Variants in KIAA0319L observed in about 807,000 individuals in gnomAD.
KIAA0319L encodes KIAA0319 like.
In KIAA0319L, 55 loss-of-function variants were observed where a neutral mutation model predicts 120.1. The observed-to-expected ratio is 0.46, with a 90% CI of 0.37 to 0.57. The LOEUF is 0.57. KIAA0319L is among the 20% of genes least tolerant of loss of function. The probability of loss-of-function intolerance (pLI) is 0.00; values close to 1 mark genes in which losing one functional copy is unlikely to be tolerated. For missense variants in KIAA0319L, 1,049 were observed against 1,255.3 expected (o/e 0.84, Z 2.48); for synonymous variants, 398 against 471.9 (o/e 0.84, Z 2.03).
intron 2 of KIAA0319L, among the ~76,000 whole-genome samples, chr1:35,513,326 A>G (rs1645552029): frequency 7.1e-6 from 1 of 140,486 alleles, no homozygotes; most frequent in Non-Finnish European, 1.5e-5. Context: ...TATAAAATAT[A>G]ACCTCTGGCT....
At chr1:35,480,983 C>T (rs192387092) in intron 3 of KIAA0319L, among the ~76,000 whole-genome samples, 1 of 152,290 alleles carries the variant, frequency 6.6e-6, no homozygotes, top group African/African-American at 2.4e-5. Flanking sequence ...CAGGAAACCA[C>T]TGATTTGTTT....
intron 1 of KIAA0319L, 22 bp from the exon 2 acceptor site, chr1:35,554,541 A>C: frequency 7.1e-7 from 1 of 1,409,930 alleles, no homozygotes; most frequent in Non-Finnish European, 9.6e-7. Flanking sequence ...GAAAGAGAAG[A>C]AATTACATGC....
upstream of KIAA0319L, chr1:35,557,495 C>G (rs1171161295): frequency 5.6e-6 from 2 of 357,860 alleles, no homozygotes; most frequent in Non-Finnish European, 5.5e-6. Context: ...AGGGCAATGC[C>G]GGCCGCGAGA....
intron 3 of KIAA0319L, among the ~76,000 whole-genome samples, chr1:35,479,878 G>A (rs368148060): frequency 6.7e-6 from 1 of 148,966 alleles, no homozygotes; most frequent in East Asian, 2.0e-4. Flanking sequence ...ACTCTAGCTT[G>A]GGTGACAGAA....
intron 3 of KIAA0319L, among the ~76,000 whole-genome samples, chr1:35,497,526 C>G (rs1486630167): frequency 6.6e-6 from 1 of 152,018 alleles, no homozygotes; most frequent in South Asian, 2.1e-4. Context: ...TATTCGTTAT[C>G]TTTTTATGGT....
intron 3 of KIAA0319L, among the ~76,000 whole-genome samples, chr1:35,500,524 A>G (rs1166358232): frequency 6.6e-6 from 1 of 152,258 alleles, no homozygotes; most frequent in Non-Finnish European, 1.5e-5. Flanking sequence ...CAATATATGT[A>G]TATTTCCAAA....
In KIAA0319L at chr1:35,458,074, T is replaced by TACAGCTACCTGCCACC. The variant is rs572032671; in HGVS notation, c.1428-1849_1428-1834dup. On this transcript the variant is annotated intron_variant, in intron 9 of 20. Coordinates refer to ENST00000325722, the MANE Select transcript of KIAA0319L (RefSeq NM_024874.5). ...CCTCAGCCTCCTGAGTAGCTGGGAC[T>TACAGCTACCTGCCACC]ACAGCTACCTGCCACCATGCTCAGC... 3.9e-4 allele frequency among the ~76,000 whole-genome samples: 59 copies of TACAGCTACCTGCCACC among 152,300 alleles called. 1 individual carries two copies. Among genetic ancestry groups the TACAGCTACCTGCCACC allele is most frequent in the African/African-American group, 1.4e-3 (59 of 41,564 alleles).
At chr1:35,513,642 T>C (rs149543894) in intron 2 of KIAA0319L, among the ~76,000 whole-genome samples, 3 of 152,250 alleles carry the variant, frequency 2.0e-5, no homozygotes, top group East Asian at 1.9e-4. Context: ...AAAAATAATA[T>C]ACATAACTTC....
At chr1:35,450,620 C>A in intron 13 of KIAA0319L, 111 bp from the exon 14 acceptor site, 1 of 1,047,350 alleles carries the variant, frequency 9.5e-7, no homozygotes. Flanking sequence ...ACTGGAGAAC[C>A]TTTTTAAGTG....
chr1:35,521,647 T>C (rs765564880), intron 2 of KIAA0319L, among the ~76,000 whole-genome samples: 3 of 135,014 alleles, frequency 2.2e-5, no homozygotes, highest in Non-Finnish European at 4.8e-5. Context: ...AAAATAATAA[T>C]AATAAAATAA....
chr1:35,472,568 T>TACA (rs554585057), intron 5 of KIAA0319L, among the ~76,000 whole-genome samples: 96 of 152,262 alleles, frequency 6.3e-4, no homozygotes, highest in African/African-American at 2.3e-3. Context: ...GTGCTAGGAT[T>TACA]ACAGGCATGA....
At chr1:35,465,722 G>A (rs1643211887) in intron 7 of KIAA0319L, among the ~76,000 whole-genome samples, 1 of 152,162 alleles carries the variant, frequency 6.6e-6, no homozygotes, top group African/African-American at 2.4e-5. Flanking sequence ...ATCTTGAATT[G>A]TAACTCCCAC....
At chr1:35,464,382 C>T (rs749276541) in intron 7 of KIAA0319L, among the ~76,000 whole-genome samples, 11 of 152,230 alleles carry the variant, frequency 7.2e-5, no homozygotes, top group African/African-American at 1.4e-4. Flanking sequence ...GCTATGTTTT[C>T]GCAGAGACTG....
At position 35,442,936 on chromosome 1, in the gene KIAA0319L, C is replaced by A. The variant is rs1475443579; in HGVS notation, c.2749G>T (p.Val917Leu). The change falls in exon 18 of 21, where the codon GTG becomes TTG. Residue 917 changes from valine to leucine, a missense_variant. Val to Leu is a conservative substitution (Grantham distance 32). Transcript: ENST00000325722. ...DPFWMENFIK[V>L]QLRDGDSNCE... Reference sequence around the variant, plus strand: ...TTGCTGTCTCCATCCCTCAGCTGCACCTTGATGAAATTCTCCATCCAAAAA... The same window carrying A: ...TTGCTGTCTCCATCCCTCAGCTGCAACTTGATGAAATTCTCCATCCAAAAA... 6.2e-7 allele frequency: 1 copy of A among 1,614,102 alleles called. No homozygotes were observed. Among genetic ancestry groups the A allele is most frequent in the Non-Finnish European group, 8.5e-7 (1 of 1,180,048 alleles).
In KIAA0319L at chr1:35,507,041, G is replaced by A. The variant is rs1645233476; in HGVS notation, c.237C>T (p.Thr79=). Residue 79 remains threonine, a synonymous_variant, in exon 3 of 21, where the codon ACC becomes ACT. Coordinates refer to ENST00000325722, the MANE Select transcript of KIAA0319L (RefSeq NM_024874.5). ...GENHLWLLEG[T]PSLQSCWAAC... is the part of the protein sequence containing the mutation. ...CAGCCCAACATGACTGGAGAGAGGG[G>A]GTTCCTTCAAGAAGCCAGAGGTGAT... The A allele has an allele frequency of 1.2e-6, 2 of 1,603,350 alleles. No individual in the cohort carries two copies. Among genetic ancestry groups the A allele is most frequent in the South Asian group, 1.1e-5 (1 of 89,414 alleles).
At chr1:35,451,273 GC>G (rs1391045748) in intron 13 of KIAA0319L, among the ~76,000 whole-genome samples, 2 of 152,196 alleles carry the variant, frequency 1.3e-5, no homozygotes, top group Non-Finnish European at 2.9e-5. Flanking sequence ...AGGAGTCACG[GC>G]CCAGGTCTCA....
chr1:35,465,552 T>C (rs1459916502), intron 7 of KIAA0319L, among the ~76,000 whole-genome samples: 1 of 152,216 alleles, frequency 6.6e-6, no homozygotes, highest in Non-Finnish European at 1.5e-5. Context: ...TTGTCTCAGA[T>C]GAGACATTGG....
chr1:35,480,028 G>C (rs1278522759), intron 3 of KIAA0319L, among the ~76,000 whole-genome samples: 2 of 128,700 alleles, frequency 1.6e-5, no homozygotes, highest in African/African-American at 5.6e-5. Context: ...GTATGGAAAA[G>C]AATGATTTTT....
At position 35,460,457 on chromosome 1, in the gene KIAA0319L, C is replaced by T. The variant is rs1642811696; in HGVS notation, c.1295-20G>A. 1.9e-6 allele frequency: 3 copies of T among 1,609,580 alleles called. No individual in the cohort carries two copies. Among genetic ancestry groups the T allele is most frequent in the East Asian group, 4.5e-5 (2 of 44,798 alleles). On this transcript the variant is annotated intron_variant, in intron 8 of 20. Coordinates refer to ENST00000325722, the MANE Select transcript of KIAA0319L (RefSeq NM_024874.5). Reference sequence around the variant, plus strand: ...TGCTTTCTTGACCATAAAGAAACATCAGTTACAACATGAGAACGCTTGGTC... The same window carrying T: ...TGCTTTCTTGACCATAAAGAAACATTAGTTACAACATGAGAACGCTTGGTC...
Sources: allele counts gnomAD v4.1 joint callset (sites outside exome capture counted in the v4.1 genomes callset), GRCh38; gene constraint gnomAD v4.1.1; transcripts MANE v1.5; gene names NCBI Gene and HGNC (gene_info 2026-07-23, HGNC 2026-07-21).